The following HMGB1 variants were observed in gnomAD, a reference collection of about 807,000 sequenced individuals.
The protein encoded by HMGB1 is high mobility group protein B1.
For synonymous variants in HMGB1, 81 were observed against 84.0 expected (o/e 0.96, Z 0.19); for missense variants, 79 against 253.5 (o/e 0.31, Z 4.67).
At chr13:30,504,580 A>G (rs981534989) in intron 1 of HMGB1, among the ~76,000 whole-genome samples, 1 of 152,154 alleles carries the variant, frequency 6.6e-6, no homozygotes, top group African/African-American at 2.4e-5. Flanking sequence ...ACAACCAGCA[A>G]CTCCCCATCA....
chr13:30,527,336 G>A lies in HMGB1; in HGVS notation c.-14-63642C>T, dbSNP rs114113196. ...CAGCTCACCAAGGAAGGAACCTCTC[G>A]GGATGGTGGGCCCCCTGACCTTTGT... On this transcript the variant is annotated intron_variant, in intron 1 of 4. Transcript: ENST00000405805. Among the ~76,000 whole-genome samples, 891 of 152,184 alleles carry A rather than the reference G, an allele frequency of 5.9e-3. 12 individuals carry two copies. Among genetic ancestry groups the A allele is most frequent in the African/African-American group, 0.02 (834 of 41,520 alleles).
At chr13:30,589,503 A>G (rs1045916534) in intron 1 of HMGB1, among the ~76,000 whole-genome samples, 3 of 152,218 alleles carry the variant, frequency 2.0e-5, no homozygotes, top group African/African-American at 7.2e-5. Context: ...AAAAGTGTAC[A>G]GTCAGAAGAG....
At chr13:30,581,722 T>C (rs762905932) in intron 1 of HMGB1, among the ~76,000 whole-genome samples, 1 of 152,172 alleles carries the variant, frequency 6.6e-6, no homozygotes. Context: ...TAGAAGGCCA[T>C]CTTAACGAGG....
At chr13:30,615,618 CAT>C (rs1382922761) in intron 1 of HMGB1, among the ~76,000 whole-genome samples, 6 of 152,108 alleles carry the variant, frequency 3.9e-5, no homozygotes, top group Admixed American at 3.9e-4. Flanking sequence ...AGACTGTACT[CAT>C]AGAGTGCTTC....
chr13:30,566,971 T>C (rs1304980264), intron 1 of HMGB1, among the ~76,000 whole-genome samples: 1 of 152,186 alleles, frequency 6.6e-6, no homozygotes, highest in Admixed American at 6.5e-5. Context: ...GAACACGAGT[T>C]TTGATTTAAA....
At chr13:30,581,140 C>T (rs921421749) in intron 1 of HMGB1, among the ~76,000 whole-genome samples, 1 of 151,930 alleles carries the variant, frequency 6.6e-6, no homozygotes, top group African/African-American at 2.4e-5. Context: ...GTCTACCTGC[C>T]TAATACAAAA....
intron 1 of HMGB1, chr13:30,464,484 T>G (rs1886585260): frequency 1.0e-6 from 1 of 984,798 alleles, no homozygotes; most frequent in Non-Finnish European, 1.2e-6. Flanking sequence ...CCCCCGCCCC[T>G]AGAACTTCGC....
intron 1 of HMGB1, among the ~76,000 whole-genome samples, chr13:30,578,395 T>G (rs1222668076): frequency 2.3e-5 from 3 of 129,214 alleles, no homozygotes; most frequent in Non-Finnish European, 4.7e-5. Flanking sequence ...TTTTTTTTTT[T>G]GTATCACAGT....
In HMGB1 at chr13:30,478,469, TATC is replaced by T. The variant is rs532081398; in HGVS notation, c.-14-14778_-14-14776del. ...TTAATCTGCCTTTATGATGCATTAT[TATC>T]ATTATAACACTATCAAATTCTTATG... On this transcript the variant is annotated intron_variant, in intron 1 of 4. Coordinates refer to the HMGB1 transcript ENST00000405805. Among the ~76,000 whole-genome samples the T allele has an allele frequency of 1.6e-4, 25 of 152,366 alleles. No homozygotes were observed. In the East Asian group the frequency reaches 4.6e-3, roughly 28 times the overall value.
intron 1 of HMGB1, among the ~76,000 whole-genome samples, chr13:30,485,179 G>T (rs1482774052): frequency 6.6e-6 from 1 of 151,848 alleles, no homozygotes; most frequent in Non-Finnish European, 1.5e-5. Context: ...CTACAGGTAT[G>T]AGCCACCACG....
intron 1 of HMGB1, among the ~76,000 whole-genome samples, chr13:30,595,612 C>T (rs2137557868): frequency 6.6e-6 from 1 of 152,304 alleles, no homozygotes; most frequent in South Asian, 2.1e-4. Flanking sequence ...AATCCAGGAG[C>T]AGCTTAACTG....
intron 1 of HMGB1, among the ~76,000 whole-genome samples, chr13:30,603,656 A>C (rs1050394505): frequency 6.6e-6 from 1 of 152,224 alleles, no homozygotes; most frequent in Admixed American, 6.5e-5. Context: ...AGGTGAGACC[A>C]GCAGAAGCAC....
intron 1 of HMGB1, among the ~76,000 whole-genome samples, chr13:30,510,438 C>A (rs957817339): frequency 1.3e-5 from 2 of 152,050 alleles, no homozygotes; most frequent in Non-Finnish European, 2.9e-5. Flanking sequence ...AAGTGTTTTG[C>A]AAAGAATAAA....
At chr13:30,527,033 C>T (rs927607224) in intron 1 of HMGB1, among the ~76,000 whole-genome samples, 6 of 152,200 alleles carry the variant, frequency 3.9e-5, no homozygotes, top group Non-Finnish European at 7.3e-5. Context: ...AGGAGGAGCC[C>T]GGAGGGGCCG....
chr13:30,571,577 A>G (rs1870437504), intron 1 of HMGB1, among the ~76,000 whole-genome samples: 1 of 152,178 alleles, frequency 6.6e-6, no homozygotes, highest in East Asian at 1.9e-4. Flanking sequence ...TACAGGCGTG[A>G]GCCACCGTAC....
At chr13:30,466,100 T>A, upstream of HMGB1, 1 of 255,412 alleles carries the variant, frequency 3.9e-6, no homozygotes, top group Non-Finnish European at 6.2e-6. Context: ...TGTGTGTGTA[T>A]GCCGGGCAAA....
intron 1 of HMGB1, among the ~76,000 whole-genome samples, chr13:30,496,075 T>C (rs9579583): frequency 0.82 from 124,162 of 152,240 alleles, 55,666 homozygotes; most frequent in East Asian, 1. Context: ...AATGTTGATA[T>C]ATATTAACTT....
intron 1 of HMGB1, among the ~76,000 whole-genome samples, chr13:30,472,253 T>A (rs9315011): frequency 6.6e-6 from 1 of 151,700 alleles, no homozygotes; most frequent in Non-Finnish European, 1.5e-5. Flanking sequence ...TGCCACAGAG[T>A]GAGACTCTGT....
chr13:30,490,254 T>A (rs1887456463), intron 1 of HMGB1, among the ~76,000 whole-genome samples: 1 of 152,174 alleles, frequency 6.6e-6, no homozygotes, highest in Non-Finnish European at 1.5e-5. Context: ...GGTTTTAATA[T>A]TTTCCCTTGC....
Sources: allele counts gnomAD v4.1 joint callset (sites outside exome capture counted in the v4.1 genomes callset), GRCh38; gene constraint gnomAD v4.1.1; transcripts MANE v1.5; gene names NCBI Gene and HGNC (gene_info 2026-07-23, HGNC 2026-07-21).